FBXL17: variants seen among roughly 807,000 people sequenced by gnomAD.
FBXL17 encodes F-box and leucine rich repeat protein 17, also known as F-box/LRR-repeat protein 17.
Under a neutral mutation model 66.2 loss-of-function variants are expected in FBXL17, and 22 were observed. The ratio of observed to expected loss-of-function variants is 0.33; its 90% CI spans 0.24 to 0.47. The LOEUF (loss-of-function observed/expected upper bound fraction) is 0.47, where lower values mean the gene tolerates loss of function less well. FBXL17 is among the 20% of genes least tolerant of loss of function. FBXL17 has a pLI of 1.00. For missense variants in FBXL17, 878 were observed against 948.2 expected (o/e 0.93, Z 0.97); for synonymous variants, 474 against 400.5 (o/e 1.18, Z -2.19).
chr5:107,978,479 A>G (rs1387295203), intron 7 of FBXL17, among the ~76,000 whole-genome samples: 2 of 152,142 alleles, frequency 1.3e-5, no homozygotes, highest in Non-Finnish European at 2.9e-5. Context: ...GAGATTTGTA[A>G]CTTCCCCATT....
intron 7 of FBXL17, among the ~76,000 whole-genome samples, chr5:108,009,261 T>TAA (rs1754066433): frequency 4.8e-5 from 1 of 20,852 alleles, no homozygotes; most frequent in Non-Finnish European, 8.6e-5. Flanking sequence ...GTTCCCTGTT[T>TAA]TATATATATA....
At chr5:108,214,194 C>G (rs2966812) in intron 5 of FBXL17, among the ~76,000 whole-genome samples, 46,140 of 151,888 alleles carry the variant, frequency 0.3, 7,244 homozygotes, top group Middle Eastern at 0.38. Flanking sequence ...GTATGAATGG[C>G]TAAGAAAAAT....
chr5:108,256,406 A>G (rs1756579792), intron 4 of FBXL17, among the ~76,000 whole-genome samples: 1 of 152,146 alleles, frequency 6.6e-6, no homozygotes, highest in Non-Finnish European at 1.5e-5. Flanking sequence ...CCTGGCTTGA[A>G]TTATCAAGTA....
intron 6 of FBXL17, among the ~76,000 whole-genome samples, chr5:108,032,861 T>G (rs150111581): frequency 6.6e-6 from 1 of 152,180 alleles, no homozygotes; most frequent in Non-Finnish European, 1.5e-5. Flanking sequence ...CTGGATTACA[T>G]GTGTAACACC....
chr5:107,918,651 T>C lies in FBXL17; in HGVS notation c.1823-37472A>G, dbSNP rs140045107. On this transcript the variant is annotated intron_variant, in intron 7 of 8. Transcript: ENST00000542267. The stretch of plus-strand genomic sequence containing the variant: ...GTTGAAATATTTATATATATCAATA[T>C]CAGTATCTGTATTTGAAATAGTTAC... Among the ~76,000 whole-genome samples the C allele has an allele frequency of 6.2e-4, 94 of 152,342 alleles. No homozygotes were observed. The East Asian group carries it at 0.017, about 27-fold the overall frequency.
chr5:107,963,292 A>G (rs1033374723), intron 7 of FBXL17, among the ~76,000 whole-genome samples: 1 of 152,274 alleles, frequency 6.6e-6, no homozygotes, highest in Non-Finnish European at 1.5e-5. Flanking sequence ...GCACTGATGA[A>G]TAAGACAGAC....
intron 6 of FBXL17, among the ~76,000 whole-genome samples, chr5:108,161,937 C>G (rs1352982085): frequency 6.6e-6 from 1 of 152,138 alleles, no homozygotes; most frequent in Admixed American, 6.6e-5. Flanking sequence ...TCCACGTATG[C>G]AAATTGGAGA....
At chr5:107,881,908 T>G (rs1401991857) in intron 7 of FBXL17, among the ~76,000 whole-genome samples, 1 of 152,222 alleles carries the variant, frequency 6.6e-6, no homozygotes, top group Non-Finnish European at 1.5e-5. Context: ...GTACCACCAC[T>G]AAAGTGCAGA....
intron 7 of FBXL17, among the ~76,000 whole-genome samples, chr5:107,904,602 C>A (rs930352372): frequency 6.6e-6 from 1 of 151,940 alleles, no homozygotes; most frequent in Non-Finnish European, 1.5e-5. Context: ...GGGCCTAGAG[C>A]AAAAGCACAG....
At chr5:107,873,364 C>A (rs1050745152) in intron 8 of FBXL17, among the ~76,000 whole-genome samples, 1 of 152,176 alleles carries the variant, frequency 6.6e-6, no homozygotes, top group African/African-American at 2.4e-5. Flanking sequence ...TATCACCTAT[C>A]ACAGTGACTG....
At chr5:107,980,664 A>ATATATATATATATTTTTTTTTTTT in intron 7 of FBXL17, among the ~76,000 whole-genome samples, 19 of 62,050 alleles carry the variant, frequency 3.1e-4, no homozygotes, top group African/African-American at 1.8e-3. Flanking sequence ...ATATATATAT[A>ATATATATATATATTTTTTTTTTTT]TTTTTTTTTT....
chr5:108,235,493 A>G (rs913147154), intron 4 of FBXL17, among the ~76,000 whole-genome samples: 8 of 152,306 alleles, frequency 5.3e-5, no homozygotes, highest in African/African-American at 1.7e-4. Context: ...TATTTGGAAT[A>G]ACCTACACAA....
intron 4 of FBXL17, among the ~76,000 whole-genome samples, chr5:108,300,936 TAA>T (rs1758562210): frequency 6.6e-6 from 1 of 151,690 alleles, no homozygotes; most frequent in African/African-American, 2.4e-5. Context: ...ATTTAAAGTC[TAA>T]AATAGTAGTT....
chr5:107,932,862 C>G (rs183400273), intron 7 of FBXL17, among the ~76,000 whole-genome samples: 14 of 128,198 alleles, frequency 1.1e-4, no homozygotes, highest in Non-Finnish European at 2.0e-4. Context: ...AACGAGCCAG[C>G]TAAGAAATAC....
intron 4 of FBXL17, among the ~76,000 whole-genome samples, chr5:108,253,346 A>C (rs1001573830): frequency 1.3e-5 from 2 of 152,096 alleles, no homozygotes; most frequent in African/African-American, 4.8e-5. Flanking sequence ...ACTGTCTCCA[A>C]ATGATTCATA....
At chr5:107,955,102 A>C (rs188952060) in intron 7 of FBXL17, among the ~76,000 whole-genome samples, 1 of 152,224 alleles carries the variant, frequency 6.6e-6, no homozygotes, top group Admixed American at 6.5e-5. Context: ...AGAAAAATAA[A>C]ATGCTAAAAG....
chr5:108,351,763 C>T (rs541162345), intron 3 of FBXL17, among the ~76,000 whole-genome samples: 2 of 152,240 alleles, frequency 1.3e-5, no homozygotes, highest in South Asian at 4.2e-4. Flanking sequence ...CCCCATGAGA[C>T]CTCAACAGTT....
rs1234079804 is a variant in FBXL17, at chr5:108,381,465, G to T, written c.227C>A (p.Pro76Gln). The T allele has an allele frequency of 2.3e-6, 3 of 1,322,822 alleles. No individual in the cohort carries two copies. The highest frequency in any genetic ancestry group is 6.2e-5 in the East Asian group (2 of 32,272). The allele number at this position is 1,322,822 out of a possible 1,614,324, so 81.9% of individuals were successfully genotyped here. ...CGGCGAGAGCGGCGGCTCCTCCTCT[G>T]GGCCGGCGGGGGCGGGCGCGCCGGG... ...HSPGAPAPAG[P>Q]EEEPPLSPPP... Residue 76 changes from proline (P) to glutamine (Q), a missense_variant, in exon 1 of 9, where the codon CCA (proline) becomes CAA (glutamine). By Grantham distance (76) the Pro-to-Gln change is moderately conservative. This residue lies in a region of FBXL17 where 605 missense variants were observed against 509.5 expected (regional missense o/e 1.19). Coordinates refer to ENST00000542267, the MANE Select transcript of FBXL17 (RefSeq NM_001163315.3).
chr5:107,970,273 C>T (rs767730870), intron 7 of FBXL17, among the ~76,000 whole-genome samples: 1 of 152,158 alleles, frequency 6.6e-6, no homozygotes. Context: ...ACTCTCTTCT[C>T]TCCTGCCTTA....
Sources: allele counts gnomAD v4.1 joint callset (sites outside exome capture counted in the v4.1 genomes callset), GRCh38; gene constraint gnomAD v4.1.1; regional missense constraint gnomAD v4.1.1; transcripts MANE v1.5; gene names NCBI Gene and HGNC (gene_info 2026-07-23, HGNC 2026-07-21).